PTPA: variants seen among roughly 807,000 people sequenced by gnomAD.
The protein encoded by PTPA is protein phosphatase 2 phosphatase activator.
A neutral mutation model predicts 43.6 loss-of-function variants in PTPA; 13 were observed. The observed-to-expected ratio is 0.30, with a 90% CI of 0.19 to 0.47. The LOEUF (loss-of-function observed/expected upper bound fraction) is 0.47. Ranked by LOEUF, PTPA falls within the 20% of genes least tolerant of loss-of-function variation. The pLI is 0.99. For missense variants in PTPA, 329 were observed against 411.9 expected, an observed-to-expected ratio of 0.80 and a Z score of 1.74; for synonymous variants, 172 against 158.2, an observed-to-expected ratio of 1.09 and a Z score of -0.66.
intron 8 of PTPA, among the ~76,000 whole-genome samples, chr9:129,139,084 G>T (rs1039509130): frequency 6.6e-6 from 1 of 152,242 alleles, no homozygotes; most frequent in Non-Finnish European, 1.5e-5. Flanking sequence ...GTTCTTGGGT[G>T]TGGCTGAAAG....
intron 7 of PTPA, among the ~76,000 whole-genome samples, chr9:129,136,821 A>G (rs1192598392): frequency 6.6e-6 from 1 of 152,248 alleles, no homozygotes; most frequent in Non-Finnish European, 1.5e-5. Flanking sequence ...GCCAAGCGCC[A>G]CCAAGATAAT....
intron 3 of PTPA, among the ~76,000 whole-genome samples, chr9:129,126,820 C>T (rs1849611271): frequency 6.6e-6 from 1 of 152,140 alleles, no homozygotes; most frequent in South Asian, 2.1e-4. Flanking sequence ...ATTCAAAAAG[C>T]CCTCTCCTGA....
At chr9:129,136,730 AT>A in intron 7 of PTPA, 135 bp downstream of exon 7, 1 of 1,176,742 alleles carries the variant, frequency 8.5e-7, no homozygotes, top group Non-Finnish European at 1.1e-6. Context: ...AAAGCAGGGC[AT>A]TAGACCAGCT....
intron 9 of PTPA, chr9:129,143,631 A>G (rs1851065232): frequency 3.5e-6 from 2 of 573,056 alleles, no homozygotes; most frequent in Admixed American, 3.0e-5. Flanking sequence ...TGAACTGAAC[A>G]GACCGGGCCC....
chr9:129,111,388 A>C (rs1848466962), upstream of PTPA: 2 of 1,206,320 alleles, frequency 1.7e-6, no homozygotes, highest in Admixed American at 4.5e-5. Flanking sequence ...GCCGGCCGTT[A>C]ATAGGCTTGC....
At chr9:129,128,304 T>C (rs1849715845) in intron 3 of PTPA, among the ~76,000 whole-genome samples, 2 of 152,120 alleles carry the variant, frequency 1.3e-5, no homozygotes, top group African/African-American at 4.8e-5. Context: ...GGGAGGCCGA[T>C]GCAGGTGCAT....
chr9:129,140,837 T>G, intron 8 of PTPA, among the ~76,000 whole-genome samples: 1 of 151,938 alleles, frequency 6.6e-6, no homozygotes, highest in East Asian at 1.9e-4. Context: ...TGGAGTGTGG[T>G]TGAGCAGGGC....
In PTPA at chr9:129,131,505, G is replaced by A; in HGVS notation, c.343-17G>A. 3 of 1,610,142 alleles carry A rather than the reference G, an allele frequency of 1.9e-6. No individual in the cohort carries two copies. The highest frequency in any genetic ancestry group is 2.5e-6 in the Non-Finnish European group (3 of 1,177,424). The stretch of plus-strand genomic sequence containing the variant: ...GCTTAATATGCTGCCACCACTTTGT[G>A]TCTCTTGTGTTACCAGGAAGCAGAA... On this transcript the variant is annotated splice_polypyrimidine_tract_variant and intron_variant, in intron 4 of 9. Coordinates refer to ENST00000393370, the MANE Select transcript of PTPA (RefSeq NM_178000.3).
Position 129,142,509 on chromosome 9 carries a change from G to A in PTPA, c.851G>A (p.Trp284Ter). The change falls in exon 9 of 10, where the codon TGG becomes TAG. Residue 284 changes from tryptophan to a stop codon, truncating the protein, a stop_gained. Transcript: ENST00000393370. LOFTEE classifies it high-confidence loss of function. ...TGGAACATCAGCGCCGTCCCTTCCT[G>A]GTCCAAAGTGAACCAGGGTCTCATC... is the stretch of plus-strand genomic sequence containing the variant. ...QLWNISAVPS[W>*]SKVNQGLIRM... 6.2e-7 allele frequency: 1 copy of A among 1,613,662 alleles called. No homozygotes were observed. The highest frequency in any genetic ancestry group is 8.5e-7 in the Non-Finnish European group (1 of 1,179,658).
chr9:129,121,048 C>T (rs1421666527), intron 2 of PTPA, among the ~76,000 whole-genome samples: 1 of 152,224 alleles, frequency 6.6e-6, no homozygotes, highest in Non-Finnish European at 1.5e-5. Flanking sequence ...TACCTGGGAG[C>T]TGGGACCCAG....
intron 8 of PTPA, among the ~76,000 whole-genome samples, chr9:129,139,185 G>A (rs976270171): frequency 6.6e-6 from 1 of 152,190 alleles, no homozygotes; most frequent in African/African-American, 2.4e-5. Context: ...CTGGCCTCCA[G>A]GATTTTGGGA....
chr9:129,112,422 C>T (rs1045586659), intron 1 of PTPA, among the ~76,000 whole-genome samples: 2 of 152,130 alleles, frequency 1.3e-5, no homozygotes, highest in Non-Finnish European at 2.9e-5. Context: ...ATAGGTTGGC[C>T]GACCAAACAC....
chr9:129,136,356 C>G, intron 6 of PTPA, 115 bp from the exon 7 acceptor site: 3 of 1,118,234 alleles, frequency 2.7e-6, no homozygotes, highest in Non-Finnish European at 2.5e-6. Flanking sequence ...GAAATTGAGA[C>G]CAGTTAACAC....
rs904125549 is a variant in PTPA, at chr9:129,145,448, C to G, written c.895-1939C>G. 2.6e-5 allele frequency among the ~76,000 whole-genome samples: 4 copies of G among 152,306 alleles called. No homozygotes were observed. In the South Asian group the frequency reaches 8.3e-4, roughly 32 times the overall value. ...GGCCCATGGGCTGGCATGTTGCCTA[C>G]ACAGAGGTCCAAGGAGAGGGCTTGT... On this transcript the variant is annotated intron_variant, in intron 9 of 9. Transcript: ENST00000393370.
intron 1 of PTPA, among the ~76,000 whole-genome samples, chr9:129,117,700 C>T (rs1284197714): frequency 8.6e-6 from 1 of 115,822 alleles, no homozygotes; most frequent in African/African-American, 2.7e-5. Context: ...CCACCACACC[C>T]AGCCTCTTTT....
rs1850250743 is a variant in PTPA at position 129,134,880 on chromosome 9, C to G, written c.546C>G (p.Phe182Leu). 6.2e-7 allele frequency: 1 copy of G among 1,613,056 alleles called. No individual in the cohort carries two copies. Among genetic ancestry groups the G allele is most frequent in the Non-Finnish European group, 8.5e-7 (1 of 1,179,456 alleles). ...TGGATGACCAAATAGCTATTGTCTTCAAGGTGTTCAATCGGTGAGAGAAAG... is the reference window on the plus strand; with the variant it reads ...TGGATGACCAAATAGCTATTGTCTTGAAGGTGTTCAATCGGTGAGAGAAAG... ...LRVDDQIAIV[F>L]KVFNRYLEVM... The change falls in exon 6 of 10, where the codon TTC becomes TTG. Residue 182 changes from phenylalanine (F) to leucine (L), a missense_variant. Transcript: ENST00000393370.
At position 129,131,581 on chromosome 9, in the gene PTPA, G is replaced by A; in HGVS notation, c.402G>A (p.Glu134=). ...VPTHLAAAVP[E]VAVYLKESVG... ...CCCATCTGGCAGCTGCTGTGCCTGAGGTGGCTGTTTACCTAAAGGAGTCAG... is the reference window on the plus strand; with the variant it reads ...CCCATCTGGCAGCTGCTGTGCCTGAAGTGGCTGTTTACCTAAAGGAGTCAG... The change falls in exon 5 of 10, where the codon GAG becomes GAA. Residue 134 remains glutamate, a synonymous_variant. Transcript: ENST00000393370. The A allele has an allele frequency of 6.2e-7, 1 of 1,614,162 alleles. No individual in the cohort carries two copies. Among genetic ancestry groups the A allele is most frequent in the East Asian group, 2.2e-5 (1 of 44,890 alleles).
At position 129,111,509 on chromosome 9, in the gene PTPA, C is replaced by A; in HGVS notation, c.-92C>A. The A allele has an allele frequency of 7.9e-7, 1 of 1,271,744 alleles. No homozygotes were observed. The highest frequency in any genetic ancestry group is 1.0e-6 in the Non-Finnish European group (1 of 1,000,612). 78.8% of individuals were successfully genotyped at this position (1,271,744 alleles called of 1,614,324 possible). A position where few individuals can be genotyped will look rare whatever the true frequency, so the allele number is the denominator to read the frequency against. ...CACTTGTCTTCAGGAAGCTCGGAGC[C>A]TTTGGTGGAGCCGGGGAGAGGAAGG... On this transcript the variant is annotated 5_prime_UTR_variant, in exon 1 of 10. Transcript: ENST00000393370.
intron 9 of PTPA, chr9:129,143,756 G>C (rs1022659293): frequency 3.6e-5 from 9 of 250,526 alleles, no homozygotes; most frequent in African/African-American, 2.0e-4. Context: ...CCCGTTGGCT[G>C]GAGCTGCCTA....
Sources: gnomAD v4.1 joint callset for allele counts (sites outside exome capture counted in the v4.1 genomes callset) on GRCh38, gnomAD v4.1.1 for gene constraint, MANE v1.5 for transcripts, NCBI Gene and HGNC (gene_info 2026-07-23, HGNC 2026-07-21) for gene names.